Variants in FBXL3 observed in about 807,000 individuals in gnomAD.
The protein encoded by FBXL3 is F-box/LRR-repeat protein 3.
FBXL3 carries 14 observed loss-of-function variants against 37.9 expected under a neutral mutation model. That is an observed-to-expected ratio of 0.37 (90% CI 0.24 to 0.58). FBXL3 has a LOEUF of 0.58. FBXL3 is among the 20% of genes least tolerant of loss of function. The pLI, the probability that FBXL3 is intolerant of heterozygous loss-of-function variation, is 0.74. For missense variants in FBXL3, 327 were observed against 511.1 expected (o/e 0.64, Z 3.47); for synonymous variants, 194 against 180.1 (o/e 1.08, Z -0.62).
At chr13:77,026,041 A>T in intron 1 of FBXL3, 1 of 415,134 alleles carries the variant, frequency 2.4e-6, no homozygotes, top group Non-Finnish European at 3.2e-6. Context: ...GTATTTTTAT[A>T]AATATTTCAG....
At chr13:77,016,587 G>A (rs1272434967) in intron 3 of FBXL3, 2 of 151,794 alleles carry the variant, frequency 1.3e-5, no homozygotes, top group Non-Finnish European at 2.9e-5. Context: ...ACCCAGGCTG[G>A]AGTGCACTGG....
intron 4 of FBXL3, 200 bp downstream of exon 4, chr13:77,015,209 G>A: frequency 5.4e-6 from 2 of 371,486 alleles, no homozygotes; most frequent in Non-Finnish European, 9.5e-6. Context: ...TATCAAATAA[G>A]ATTAGAAAAT....
chr13:77,017,338 G>A (rs2034662492), intron 3 of FBXL3: 1 of 152,086 alleles, frequency 6.6e-6, no homozygotes, highest in African/African-American at 2.4e-5. Flanking sequence ...TACCATATGA[G>A]TCAGTATGTA....
At chr13:77,014,980 T>G (rs900627757) in intron 4 of FBXL3, 6 of 152,320 alleles carry the variant, frequency 3.9e-5, no homozygotes, top group Non-Finnish European at 8.8e-5. Context: ...GGCTACCACT[T>G]AGTACAACTT....
At chr13:77,014,095 G>C (rs934787875) in intron 4 of FBXL3, 1 of 152,220 alleles carries the variant, frequency 6.6e-6, no homozygotes, top group African/African-American at 2.4e-5. Flanking sequence ...TTGACAGGCA[G>C]GTCAACAAAG....
At chr13:77,021,449 C>T in intron 2 of FBXL3, 64 bp downstream of exon 2, 2 of 1,235,582 alleles carry the variant, frequency 1.6e-6, no homozygotes, top group Non-Finnish European at 1.1e-6. Flanking sequence ...AGAAGATGTA[C>T]TGGTTTAGGA....
Position 77,027,114 on chromosome 13 carries a change from T to C in FBXL3, c.-289A>G, listed in dbSNP as rs2034859862. The C allele has an allele frequency of 6.6e-6, 1 of 151,396 alleles. No individual in the cohort carries two copies. The highest frequency in any genetic ancestry group is 2.1e-4 in the South Asian group (1 of 4,812). The allele number at this position is 151,396 out of a possible 1,614,324, so 9.4% of individuals were successfully genotyped here. On this transcript the variant is annotated 5_prime_UTR_variant, in exon 1 of 5. Coordinates refer to ENST00000355619, the MANE Select transcript of FBXL3 (RefSeq NM_012158.4). ...GCGAGAGACTACCTCAGCGAGCGGCTGCCACCGCGTAAGCTTCCTGCACCT... is the reference window on the plus strand; with the variant it reads ...GCGAGAGACTACCTCAGCGAGCGGCCGCCACCGCGTAAGCTTCCTGCACCT...
chr13:77,026,669 C>A lies in FBXL3; in HGVS notation c.-2+158G>T, dbSNP rs1396039998. 3 of 151,690 alleles carry A rather than the reference C, an allele frequency of 2.0e-5. No homozygotes were observed. The East Asian group carries it at 5.8e-4, about 29-fold the overall frequency. 9.4% of individuals were successfully genotyped at this position (151,690 alleles called of 1,614,324 possible). ...AGCTCCAAGGTCTGGGTGCCGCGCC[C>A]CGCGCCCCGCCCGGCACTCCTGAGG... On this transcript the variant is annotated intron_variant, in intron 1 of 4. Coordinates refer to ENST00000355619, the MANE Select transcript of FBXL3 (RefSeq NM_012158.4).
intron 2 of FBXL3, 148 bp from the exon 3 acceptor site, chr13:77,018,870 T>A: frequency 1.6e-6 from 1 of 620,848 alleles, no homozygotes; most frequent in Non-Finnish European, 2.4e-6. Context: ...ACTAGTTTAT[T>A]GCATTATAAC....
intron 4 of FBXL3, chr13:77,010,951 C>T (rs2034539590): frequency 6.6e-6 from 1 of 152,088 alleles, no homozygotes; most frequent in African/African-American, 2.4e-5. Flanking sequence ...GAACATAGTT[C>T]CAAGTATTTA....
chr13:77,007,304 A>T lies in FBXL3; in HGVS notation c.1128T>A (p.Phe376Leu), dbSNP rs2034468845. 3 of 1,614,146 alleles carry T rather than the reference A, an allele frequency of 1.9e-6. No individual in the cohort carries two copies. Among genetic ancestry groups the T allele is most frequent in the Non-Finnish European group, 2.5e-6 (3 of 1,180,008 alleles). ...CACCACACATCTTCACAAACTCAAC[A>T]AAGGCACTACATGAGACTTCACATT... is the stretch of plus-strand genomic sequence containing the variant. ...LGECEVSCSA[F>L]VEFVKMCGGR... The change falls in exon 5 of 5, where the codon TTT becomes TTA. Residue 376 changes from phenylalanine to leucine, a missense_variant. Transcript: ENST00000355619.
chr13:77,021,499 A>T lies in FBXL3; in HGVS notation c.348+14T>A, dbSNP rs1159592599. The T allele has an allele frequency of 1.0e-5, 16 of 1,566,976 alleles. No individual in the cohort carries two copies. The highest frequency in any genetic ancestry group is 1.4e-5 in the Non-Finnish European group (16 of 1,148,504). On this transcript the variant is annotated intron_variant, in intron 2 of 4. Coordinates refer to ENST00000355619, the MANE Select transcript of FBXL3 (RefSeq NM_012158.4). ...AAATACTTTATTTTTTAAAAGAAGG[A>T]TTTAAAATATTACCTTGAAGCTGAC...
intron 2 of FBXL3, 28 bp from the exon 3 acceptor site, chr13:77,018,750 G>T: frequency 1.3e-6 from 2 of 1,499,558 alleles, no homozygotes; most frequent in Non-Finnish European, 1.8e-6. Flanking sequence ...GTTTACTCAT[G>T]AATATTTTAT....
At chr13:77,011,631 G>C (rs1169318913) in intron 4 of FBXL3, among the ~76,000 whole-genome samples, 1 of 149,046 alleles carries the variant, frequency 6.7e-6, no homozygotes, top group Non-Finnish European at 1.5e-5. Flanking sequence ...GCTGAGGTGA[G>C]AAGATCGTTT....
intron 1 of FBXL3, 199 bp downstream of exon 1, chr13:77,026,628 G>A (rs1452887774): frequency 6.6e-6 from 1 of 152,108 alleles, no homozygotes; most frequent in African/African-American, 2.4e-5. Flanking sequence ...GCACGGCGGG[G>A]AAACGCCCCC....
chr13:77,012,187 T>TACTC lies in FBXL3; in HGVS notation c.643+3218_643+3221dup, dbSNP rs1011681996. Among the ~76,000 whole-genome samples, 9 of 152,300 alleles carry TACTC rather than the reference T, an allele frequency of 5.9e-5. No individual in the cohort carries two copies. In the East Asian group the frequency reaches 1.5e-3, roughly 26 times the overall value. On this transcript the variant is annotated intron_variant, in intron 4 of 4. Transcript: ENST00000355619. ...TCTAAAATTGTGGTGATGCATGCAC[T>TACTC]ACTCTACCAATACACTAAAAATCAA...
At chr13:77,018,537 A>G in intron 3 of FBXL3, 63 bp downstream of exon 3, 2 of 1,403,230 alleles carry the variant, frequency 1.4e-6, no homozygotes, top group South Asian at 1.8e-5. Context: ...CAATACAAAA[A>G]AAAAAGATTA....
intron 1 of FBXL3, among the ~76,000 whole-genome samples, chr13:77,023,343 A>AGTGTGTGT (rs201033841): frequency 1.6e-4 from 23 of 139,700 alleles, no homozygotes; most frequent in African/African-American, 6.2e-4. Flanking sequence ...GGAGAGAGAG[A>AGTGTGTGT]GAGTGTGTGT....
intron 4 of FBXL3, chr13:77,013,209 A>C (rs1417778120): frequency 6.6e-6 from 1 of 152,206 alleles, no homozygotes; most frequent in African/African-American, 2.4e-5. Context: ...CTAACCCTTA[A>C]GCTGCCCTGG....
Sources: gnomAD v4.1 joint callset for allele counts (sites outside exome capture counted in the v4.1 genomes callset) on GRCh38, gnomAD v4.1.1 for gene constraint, MANE v1.5 for transcripts, NCBI Gene and HGNC (gene_info 2026-07-23, HGNC 2026-07-21) for gene names.